DGKZ: variants seen among roughly 807,000 people sequenced by gnomAD.
DGKZ encodes diacylglycerol kinase zeta.
Under a neutral mutation model 142.5 loss-of-function variants are expected in DGKZ, and 45 were observed. The observed-to-expected ratio is 0.32, with a 90% CI of 0.25 to 0.40. The LOEUF is 0.40. Among genes scored for constraint, DGKZ ranks in the 10% least tolerant of loss-of-function variants. The probability of loss-of-function intolerance (pLI) is 1.00; values close to 1 mark genes in which losing one functional copy is unlikely to be tolerated. For synonymous variants in DGKZ, 442 were observed against 527.0 expected (o/e 0.84, Z 2.21); for missense variants, 755 against 1,306.5 (o/e 0.58, Z 6.51).
At chr11:46,366,299 G>C in intron 1 of DGKZ, 1 of 1,583,164 alleles carries the variant, frequency 6.3e-7, no homozygotes. Context: ...GAAGGTGCCA[G>C]GCCCTGGAGA....
intron 1 of DGKZ, chr11:46,361,532 C>A (rs531577339): frequency 1.4e-6 from 1 of 695,150 alleles, no homozygotes; most frequent in Non-Finnish European, 1.8e-6. Context: ...ATTTTCATAA[C>A]GGCTGTCTCA....
chr11:46,369,544 C>A, exon 5 of DGKZ: 1 of 1,612,826 alleles, frequency 6.2e-7, no homozygotes, highest in Non-Finnish European at 8.5e-7. Flanking sequence ...CCAGGAATGT[C>A]CGCGAGGTAA....
chr11:46,345,383 G>T, upstream of DGKZ: 1 of 1,405,648 alleles, frequency 7.1e-7, no homozygotes, highest in Middle Eastern at 2.6e-4. The surrounding 1 kb of genome is among the most constrained non-coding windows in gnomAD (Gnocchi z 4.1). Flanking sequence ...AGGAAGTGCC[G>T]AAAGAGGAAG....
At chr11:46,373,242 G>T in intron 14 of DGKZ, 141 bp downstream of exon 14, 2 of 691,986 alleles carry the variant, frequency 2.9e-6, no homozygotes, top group Non-Finnish European at 4.2e-6. Flanking sequence ...GGGAATAATA[G>T]TACTTGCCTC....
chr11:46,344,844 G>T (rs955555953), upstream of DGKZ, among the ~76,000 whole-genome samples: 1 of 152,108 alleles, frequency 6.6e-6, no homozygotes, highest in Non-Finnish European at 1.5e-5. Context: ...AGGCTACCTT[G>T]TCCCAAAAGT....
chr11:46,362,854 G>A (rs1478769846), intron 1 of DGKZ, among the ~76,000 whole-genome samples: 1 of 152,212 alleles, frequency 6.6e-6, no homozygotes, highest in East Asian at 1.9e-4. Flanking sequence ...TGTCCAGCAA[G>A]GGTGCACGGC....
intron 27 of DGKZ, 159 bp from the exon 28 acceptor site, chr11:46,378,832 G>A (rs968199731): frequency 3.3e-6 from 4 of 1,221,182 alleles, no homozygotes; most frequent in Middle Eastern, 2.8e-4. Context: ...CTCCTCCGGT[G>A]TGCTCCAGAG....
chr11:46,369,855 C>T, intron 5 of DGKZ, 86 bp from the exon 6 acceptor site: 1 of 1,440,838 alleles, frequency 6.9e-7, no homozygotes, highest in Non-Finnish European at 9.8e-7. Flanking sequence ...TTCCTGCAGC[C>T]CCGTGTGTTG....
At chr11:46,346,812 G>T (rs1253204519), upstream of DGKZ, among the ~76,000 whole-genome samples, 2 of 152,198 alleles carry the variant, frequency 1.3e-5, no homozygotes, top group Non-Finnish European at 2.9e-5. Flanking sequence ...TTGGGCCTGG[G>T]TGAGAAGGTT....
At chr11:46,351,442 C>G (rs149062138) in intron 1 of DGKZ, among the ~76,000 whole-genome samples, 1 of 152,226 alleles carries the variant, frequency 6.6e-6, no homozygotes, top group Admixed American at 6.5e-5. Flanking sequence ...ACGGCCCCAG[C>G]GAGCATGGCC....
intron 1 of DGKZ, among the ~76,000 whole-genome samples, chr11:46,337,314 G>A (rs1292157643): frequency 3.4e-4 from 3 of 8,774 alleles, no homozygotes; most frequent in Non-Finnish European, 5.2e-4. Flanking sequence ...TTTTTTTTTT[G>A]AGACAGAGTC....
At chr11:46,355,139 C>T (rs923551646) in intron 1 of DGKZ, among the ~76,000 whole-genome samples, 4 of 152,082 alleles carry the variant, frequency 2.6e-5, no homozygotes, top group Admixed American at 1.3e-4. Flanking sequence ...GAGACAGAGT[C>T]TCACTCTCGC....
chr11:46,337,016 G>T (rs967148690), intron 1 of DGKZ, among the ~76,000 whole-genome samples: 2 of 152,086 alleles, frequency 1.3e-5, no homozygotes, highest in Admixed American at 6.6e-5. Flanking sequence ...GTGAGATCCT[G>T]TCTCTAAAAA....
intron 26 of DGKZ, 77 bp from the exon 27 acceptor site, chr11:46,378,380 G>A: frequency 6.5e-7 from 1 of 1,550,240 alleles, no homozygotes; most frequent in Admixed American, 1.8e-5. Flanking sequence ...TGCCTGGCCG[G>A]CACAGTCCTG....
upstream of DGKZ, chr11:46,345,684 G>A: frequency 8.2e-7 from 1 of 1,218,164 alleles, no homozygotes; most frequent in Non-Finnish European, 1.1e-6. The surrounding 1 kb of genome is among the most constrained non-coding windows in gnomAD (Gnocchi z 4.1). Context: ...TCACCCATCT[G>A]TCATCCAGCA....
intron 1 of DGKZ, among the ~76,000 whole-genome samples, chr11:46,337,152 G>A (rs1590368574): frequency 6.6e-6 from 1 of 152,232 alleles, no homozygotes; most frequent in East Asian, 1.9e-4. Context: ...CTCCAGCTAG[G>A]TAAAGCCAGA....
rs775914091 is a variant in DGKZ at position 46,367,622 on chromosome 11, G to A, written c.271-30G>A. On this transcript the variant is annotated intron_variant, in intron 2 of 30. Coordinates refer to ENST00000527911, the Ensembl canonical transcript of DGKZ. The surrounding 1 kb of genome is among the most constrained non-coding windows in gnomAD (Gnocchi z 4.1). Reference sequence around the variant, plus strand: ...TGGGAGGGAGGGCTGGGCGGCCAGCGTGTGCTGAGCAAGCCCATCCCGTGG... The same window carrying A: ...TGGGAGGGAGGGCTGGGCGGCCAGCATGTGCTGAGCAAGCCCATCCCGTGG... The A allele has an allele frequency of 4.3e-5, 68 of 1,572,144 alleles. No homozygotes were observed. The South Asian group carries it at 7.4e-4, about 17-fold the overall frequency.
intron 1 of DGKZ, among the ~76,000 whole-genome samples, chr11:46,360,239 GTGT>G (rs1386863324): frequency 5.3e-5 from 8 of 152,138 alleles, no homozygotes; most frequent in Non-Finnish European, 8.8e-5. Flanking sequence ...ATTTATAAAA[GTGT>G]TGTTTATATT....
At chr11:46,352,323 G>A (rs994604853) in intron 1 of DGKZ, among the ~76,000 whole-genome samples, 28 of 152,242 alleles carry the variant, frequency 1.8e-4, no homozygotes, top group Admixed American at 1.2e-3. Flanking sequence ...AGCTGCCGTT[G>A]TGGGAGGCCG....
Sources: gnomAD v4.1 joint callset for allele counts (sites outside exome capture counted in the v4.1 genomes callset) on GRCh38, gnomAD v4.1.1 for gene constraint, Gnocchi (gnomAD v3.1) non-coding constraint, MANE v1.5 for transcripts, NCBI Gene and HGNC (gene_info 2026-07-23, HGNC 2026-07-21) for gene names.